NTN4: variants seen among roughly 807,000 people sequenced by gnomAD.
NTN4 encodes the protein netrin 4, also known as netrin-4.
NTN4 carries 32 observed loss-of-function variants against 73.6 expected under a neutral mutation model. That is an observed-to-expected ratio of 0.44 (90% CI 0.33 to 0.58). The LOEUF (loss-of-function observed/expected upper bound fraction) is 0.58. NTN4 is among the 20% of genes least tolerant of loss of function. NTN4 has a pLI of 0.04. For synonymous variants in NTN4, 258 were observed against 287.5 expected (o/e 0.90, Z 1.04); for missense variants, 654 against 798.3 (o/e 0.82, Z 2.18).
At chr12:95,710,764 G>A (rs947890316) in intron 4 of NTN4, 135 bp from the exon 5 acceptor site, 5 of 751,298 alleles carry the variant, frequency 6.7e-6, no homozygotes, top group African/African-American at 1.8e-5. Flanking sequence ...GCACTTGTGG[G>A]AGGCTGAGGC....
At chr12:95,759,866 T>C (rs967710427) in intron 2 of NTN4, among the ~76,000 whole-genome samples, 4 of 152,258 alleles carry the variant, frequency 2.6e-5, no homozygotes, top group African/African-American at 9.6e-5. Flanking sequence ...CACATGTTCA[T>C]GTTCTTGAAC....
chr12:95,676,271 T>C (rs2078272608), intron 7 of NTN4, among the ~76,000 whole-genome samples: 1 of 151,898 alleles, frequency 6.6e-6, no homozygotes, highest in Non-Finnish European at 1.5e-5. Context: ...ACCCAGCTAA[T>C]TTTTTTGTAT....
At chr12:95,780,463 AAAC>A (rs1237092113) in intron 2 of NTN4, among the ~76,000 whole-genome samples, 1 of 152,228 alleles carries the variant, frequency 6.6e-6, no homozygotes, top group Non-Finnish European at 1.5e-5. Flanking sequence ...AGAAAAAAAC[AAAC>A]AACCCCATCA....
At chr12:95,718,967 A>G (rs1405849970) in intron 3 of NTN4, among the ~76,000 whole-genome samples, 3 of 152,184 alleles carry the variant, frequency 2.0e-5, no homozygotes, top group African/African-American at 7.2e-5. Context: ...ATGGAATTAC[A>G]AAAGCAGAAA....
At chr12:95,751,496 G>A (rs573222629) in intron 2 of NTN4, among the ~76,000 whole-genome samples, 40 of 152,230 alleles carry the variant, frequency 2.6e-4, no homozygotes, top group African/African-American at 8.9e-4. Flanking sequence ...CCCGCAGCCC[G>A]GGATTCCTCC....
intron 2 of NTN4, among the ~76,000 whole-genome samples, chr12:95,778,526 A>G (rs1301994125): frequency 1.3e-5 from 2 of 152,254 alleles, no homozygotes; most frequent in Non-Finnish European, 2.9e-5. Context: ...AGAGAATACT[A>G]TAAACACCTC....
intron 5 of NTN4, among the ~76,000 whole-genome samples, chr12:95,696,364 A>T (rs1592670735): frequency 6.6e-6 from 1 of 152,226 alleles, no homozygotes; most frequent in Non-Finnish European, 1.5e-5. Flanking sequence ...GAATAAATTT[A>T]GGTTGAGTTT....
At chr12:95,711,188 C>T (rs1451779096) in intron 4 of NTN4, among the ~76,000 whole-genome samples, 1 of 151,976 alleles carries the variant, frequency 6.6e-6, no homozygotes, top group Non-Finnish European at 1.5e-5. Flanking sequence ...CTTGTGTAGC[C>T]TTCCAGTTTT....
intron 2 of NTN4, among the ~76,000 whole-genome samples, chr12:95,740,154 T>C (rs1377790254): frequency 1.3e-5 from 2 of 152,202 alleles, no homozygotes; most frequent in Non-Finnish European, 2.9e-5. Context: ...GAAATCTTTT[T>C]TCCAGAAAGG....
At position 95,790,304 on chromosome 12, in the gene NTN4, C is replaced by A; in HGVS notation, c.6G>T (p.Gly2=). 1 of 1,530,672 alleles carries A rather than the reference C, an allele frequency of 6.5e-7. No individual in the cohort carries two copies. Among genetic ancestry groups the A allele is most frequent in the Non-Finnish European group, 8.8e-7 (1 of 1,139,624 alleles). The allele number at this position is 1,530,672 out of a possible 1,614,324, so 94.8% of individuals were successfully genotyped here. The change falls in exon 1 of 10, where the codon GGG becomes GGT. Residue 2 remains glycine, a synonymous_variant. Coordinates refer to ENST00000343702, the MANE Select transcript of NTN4 (RefSeq NM_021229.4). This position sits in a 1 kb window ranked among gnomAD's most constrained non-coding sequence, Gnocchi z 6.5. M[G]SCARLLLLWG... ...AGAGCAGCAGCAGCCGCGCGCAGCT[C>A]CCCATGGCCGGGAGGAGCCGGGAGC...
Position 95,659,075 on chromosome 12 carries a change from C to T in NTN4, c.*11G>A, listed in dbSNP as rs2078115251. 1 of 1,606,240 alleles carries T rather than the reference C, an allele frequency of 6.2e-7. No individual in the cohort carries two copies. The highest frequency in any genetic ancestry group is 1.7e-5 in the Admixed American group (1 of 58,936). On this transcript the variant is annotated 3_prime_UTR_variant, in exon 10 of 10. Transcript: ENST00000343702. ...ATAGACAAGTGCCATTATGTGCTATCCATCTTAATGCTACTTGCACTCTCT... is the reference window on the plus strand; with the variant it reads ...ATAGACAAGTGCCATTATGTGCTATTCATCTTAATGCTACTTGCACTCTCT...
intron 5 of NTN4, among the ~76,000 whole-genome samples, chr12:95,701,342 T>G (rs1025108405): frequency 6.6e-6 from 1 of 152,234 alleles, no homozygotes; most frequent in Non-Finnish European, 1.5e-5. Context: ...ATTTCTGTTC[T>G]CAGCCCTAGG....
chr12:95,755,034 C>T (rs1008285320), intron 2 of NTN4, among the ~76,000 whole-genome samples: 3 of 152,164 alleles, frequency 2.0e-5, no homozygotes, highest in Non-Finnish European at 2.9e-5. Flanking sequence ...AAAACCCAAA[C>T]GTAGAAATAG....
In NTN4 at chr12:95,687,173, C is replaced by CGTCATT. The variant is rs559466206; in HGVS notation, c.1181-3463_1181-3462insAATGAC. Among the ~76,000 whole-genome samples the CGTCATT allele has an allele frequency of 5.5e-3, 187 of 34,166 alleles. 4 individuals carry two copies. In the East Asian group the frequency reaches 0.37, roughly 68 times the overall value. The allele number at this position is 34,166 out of a possible 152,430, so 22.4% of individuals were successfully genotyped here. On this transcript the variant is annotated intron_variant, in intron 5 of 9. Coordinates refer to ENST00000343702, the MANE Select transcript of NTN4 (RefSeq NM_021229.4). ...TTTCTATTTTGTCCCTATCACAGTGCATCATTATTATTTTTTCCATTGGAA... is the reference window on the plus strand; with the variant it reads ...TTTCTATTTTGTCCCTATCACAGTGCGTCATTATCATTATTATTTTTTCCATTGGAA...
At position 95,676,994 on chromosome 12, in the gene NTN4, C is replaced by T. The variant is rs1235497784; in HGVS notation, c.1510+5713G>A. ...GCTCACGCCTGTAATCCCAGCACTT[C>T]GGGAGGCTGAGGTGGGTGGATCTTA... On this transcript the variant is annotated intron_variant, in intron 7 of 9. Coordinates refer to ENST00000343702, the MANE Select transcript of NTN4 (RefSeq NM_021229.4). Among the ~76,000 whole-genome samples the T allele has an allele frequency of 4.6e-5, 7 of 152,120 alleles. No individual in the cohort carries two copies. The South Asian group carries it at 8.3e-4, about 18-fold the overall frequency.
chr12:95,667,755 G>A (rs1448796823), intron 8 of NTN4, among the ~76,000 whole-genome samples: 1 of 152,018 alleles, frequency 6.6e-6, no homozygotes, highest in Non-Finnish European at 1.5e-5. Context: ...AGCTACTTGG[G>A]AAGCTGAGCC....
intron 5 of NTN4, among the ~76,000 whole-genome samples, chr12:95,689,255 T>C (rs547677567): frequency 1.6e-4 from 25 of 152,356 alleles, no homozygotes; most frequent in African/African-American, 5.8e-4. Flanking sequence ...ATAATTCTAA[T>C]GTTTATGAAG....
chr12:95,668,744 C>T, intron 8 of NTN4, among the ~76,000 whole-genome samples: 1 of 152,142 alleles, frequency 6.6e-6, no homozygotes, highest in East Asian at 1.9e-4. Context: ...CATCCCAGCA[C>T]TTTGGGAGGC....
In NTN4 at chr12:95,738,823, G is replaced by A. The variant is rs182312532; in HGVS notation, c.586-679C>T. On this transcript the variant is annotated intron_variant, in intron 2 of 9. Transcript: ENST00000343702. The stretch of plus-strand genomic sequence containing the variant: ...GTCCTCAGTGAAATATAACTGTGGG[G>A]GAGAGGGTAATAATTCAGCAGACAT... Among the ~76,000 whole-genome samples, 166 of 152,270 alleles carry A rather than the reference G, an allele frequency of 1.1e-3. 2 individuals are homozygous for A. In the East Asian group the frequency reaches 0.024, roughly 22 times the overall value.
Sources: allele counts gnomAD v4.1 joint callset (sites outside exome capture counted in the v4.1 genomes callset), GRCh38; gene constraint gnomAD v4.1.1; non-coding constraint Gnocchi (gnomAD v3.1); transcripts MANE v1.5; gene names NCBI Gene and HGNC (gene_info 2026-07-23, HGNC 2026-07-21).